HAO1: variants seen among roughly 807,000 people sequenced by gnomAD.
HAO1 encodes the protein hydroxyacid oxidase 1, also known as 2-Hydroxyacid oxidase 1.
HAO1 carries 34 observed loss-of-function variants against 39.7 expected under a neutral mutation model. The ratio of observed to expected loss-of-function variants is 0.86; its 90% CI spans 0.65 to 1.14. The LOEUF is 1.14. HAO1 is among the 50% of genes most tolerant of loss of function. HAO1 has a pLI of 0.00. For missense variants in HAO1, 479 were observed against 464.5 expected, an observed-to-expected ratio of 1.03 and a Z score of -0.29; for synonymous variants, 172 against 173.2, an observed-to-expected ratio of 0.99 and a Z score of 0.05.
chr20:7,925,510 G>A (rs2100165221), intron 2 of HAO1, among the ~76,000 whole-genome samples: 1 of 152,084 alleles, frequency 6.6e-6, no homozygotes, highest in African/African-American at 2.4e-5. Context: ...TAAAACATTA[G>A]CTCTACTGCA....
chr20:7,934,446 G>T, intron 2 of HAO1, 38 bp downstream of exon 2: 2 of 1,547,168 alleles, frequency 1.3e-6, no homozygotes, highest in African/African-American at 1.4e-5. Context: ...ATAAACGTTA[G>T]CCTCCTTCTG....
chr20:7,909,366 T>TATATAC (rs1389147006), intron 3 of HAO1, among the ~76,000 whole-genome samples: 1 of 96,636 alleles, frequency 1.0e-5, no homozygotes, highest in African/African-American at 6.3e-5. Flanking sequence ...ATGACATATA[T>TATATAC]ATATATATAT....
intron 5 of HAO1, among the ~76,000 whole-genome samples, chr20:7,886,176 T>A (rs1253312534): frequency 6.8e-6 from 1 of 148,026 alleles, no homozygotes; most frequent in Non-Finnish European, 1.5e-5. Flanking sequence ...CTTTCATAAC[T>A]TTTTTGTTTT....
At chr20:7,932,402 C>G (rs946889193) in intron 2 of HAO1, among the ~76,000 whole-genome samples, 1 of 152,070 alleles carries the variant, frequency 6.6e-6, no homozygotes, top group Non-Finnish European at 1.5e-5. Flanking sequence ...TCTTTATTTC[C>G]ATTCTCTTCA....
At chr20:7,926,124 G>A (rs966548803) in intron 2 of HAO1, among the ~76,000 whole-genome samples, 11 of 152,014 alleles carry the variant, frequency 7.2e-5, no homozygotes, top group Admixed American at 1.3e-4. Flanking sequence ...TGTTAGAAAA[G>A]CAAGTCTAAA....
At chr20:7,933,355 T>C (rs780413896) in intron 2 of HAO1, among the ~76,000 whole-genome samples, 1 of 152,204 alleles carries the variant, frequency 6.6e-6, no homozygotes, top group Non-Finnish European at 1.5e-5. Flanking sequence ...TTTTCTTTTG[T>C]TCTAAGGTTG....
In HAO1 at chr20:7,905,308, G is replaced by A. The variant is rs146100467; in HGVS notation, c.721+846C>T. ...ACATAAAATTAAATAGTCAAAGTAG[G>A]TAGACCTTTATAAATAGGGACCACA... is the stretch of plus-strand genomic sequence containing the variant. On this transcript the variant is annotated intron_variant, in intron 4 of 7. Transcript: ENST00000378789. 7.8e-3 allele frequency among the ~76,000 whole-genome samples: 1,188 copies of A among 152,148 alleles called. 9 individuals carry two copies. The highest frequency in any genetic ancestry group is 0.027 in the South Asian group (129 of 4,826).
At chr20:7,932,164 A>C (rs899811818) in intron 2 of HAO1, among the ~76,000 whole-genome samples, 4 of 152,152 alleles carry the variant, frequency 2.6e-5, no homozygotes. Flanking sequence ...CATGGGAAGA[A>C]GGTCGTTCCT....
chr20:7,909,364 T>C (rs1349831413), intron 3 of HAO1, among the ~76,000 whole-genome samples: 1 of 95,216 alleles, frequency 1.1e-5, no homozygotes, highest in African/African-American at 6.5e-5. Context: ...TTATGACATA[T>C]ATATATATAT....
chr20:7,934,774 G>A, intron 1 of HAO1, 139 bp from the exon 2 acceptor site: 15 of 528,018 alleles, frequency 2.8e-5, no homozygotes, highest in South Asian at 6.0e-5. Flanking sequence ...TAAAGCTAAT[G>A]GAAAAGAGGC....
intron 1 of HAO1, among the ~76,000 whole-genome samples, chr20:7,938,671 C>G (rs772147145): frequency 6.6e-6 from 1 of 151,966 alleles, no homozygotes; most frequent in Non-Finnish European, 1.5e-5. Flanking sequence ...TCTCTGAGAC[C>G]TCCACTTGGC....
chr20:7,887,623 C>T (rs930662941), intron 5 of HAO1, among the ~76,000 whole-genome samples: 3 of 152,026 alleles, frequency 2.0e-5, no homozygotes, highest in Non-Finnish European at 4.4e-5. Flanking sequence ...CTATAATTTC[C>T]AAGCCATGAT....
intron 2 of HAO1, among the ~76,000 whole-genome samples, chr20:7,931,635 TTAAA>T (rs1364343789): frequency 6.6e-6 from 1 of 152,172 alleles, no homozygotes; most frequent in East Asian, 1.9e-4. Context: ...TTTATAAGTG[TTAAA>T]TAAATCTAAG....
intron 4 of HAO1, among the ~76,000 whole-genome samples, chr20:7,898,819 A>G (rs1388952536): frequency 6.6e-6 from 1 of 152,062 alleles, no homozygotes; most frequent in Non-Finnish European, 1.5e-5. Context: ...ATAGCATGGT[A>G]TTTATTTTAA....
intron 2 of HAO1, among the ~76,000 whole-genome samples, chr20:7,924,778 T>A (rs2050351428): frequency 6.6e-6 from 1 of 152,142 alleles, no homozygotes; most frequent in Admixed American, 6.6e-5. Context: ...TGTAATATGT[T>A]CAAAGGGCCT....
intron 2 of HAO1, among the ~76,000 whole-genome samples, chr20:7,915,030 G>T (rs545265300): frequency 6.6e-6 from 1 of 152,176 alleles, no homozygotes; most frequent in Non-Finnish European, 1.5e-5. Flanking sequence ...TGAGGCAGGA[G>T]AATCGCTTGA....
intron 2 of HAO1, among the ~76,000 whole-genome samples, chr20:7,931,539 T>C (rs923140118): frequency 2.6e-5 from 4 of 152,174 alleles, no homozygotes; most frequent in Non-Finnish European, 5.9e-5. Flanking sequence ...TTTAATAATA[T>C]GATCGATTTA....
intron 5 of HAO1, among the ~76,000 whole-genome samples, chr20:7,886,906 C>T (rs1010958631): frequency 2.0e-5 from 3 of 152,118 alleles, no homozygotes; most frequent in African/African-American, 7.2e-5. Context: ...GAAGACCATC[C>T]ACCAGGTATT....
intron 4 of HAO1, among the ~76,000 whole-genome samples, chr20:7,902,225 A>G (rs972869091): frequency 2.0e-5 from 3 of 152,228 alleles, no homozygotes; most frequent in Non-Finnish European, 4.4e-5. Context: ...GTAAAATGCT[A>G]TCAAATAGCT....
Sources: gnomAD v4.1 joint callset for allele counts (sites outside exome capture counted in the v4.1 genomes callset) on GRCh38, gnomAD v4.1.1 for gene constraint, MANE v1.5 for transcripts, NCBI Gene and HGNC (gene_info 2026-07-23, HGNC 2026-07-21) for gene names.